Variants in ANAPC5 observed in about 807,000 individuals in gnomAD.
The protein encoded by ANAPC5 is anaphase promoting complex subunit 5, also known as anaphase-promoting complex subunit 5.
A neutral mutation model predicts 91.3 loss-of-function variants in ANAPC5; 60 were observed. That is an observed-to-expected ratio of 0.66 (90% CI 0.53 to 0.81). ANAPC5 has a LOEUF of 0.81. Ranked by LOEUF, ANAPC5 falls within the 40% of genes least tolerant of loss-of-function variation. The pLI, the probability that ANAPC5 is intolerant of heterozygous loss-of-function variation, is 0.00. For synonymous variants in ANAPC5, 340 were observed against 364.1 expected (o/e 0.93, Z 0.75); for missense variants, 690 against 931.5 (o/e 0.74, Z 3.37).
At chr12:121,333,334 T>A (rs1442650341) in intron 7 of ANAPC5, 3 of 152,018 alleles carry the variant, frequency 2.0e-5, no homozygotes, top group African/African-American at 4.8e-5. Flanking sequence ...ACAAATAAAT[T>A]AATTAATTAA....
At chr12:121,337,536 C>A (rs1387155342) in intron 5 of ANAPC5, 144 bp from the exon 6 acceptor site, 14 of 581,004 alleles carry the variant, frequency 2.4e-5, no homozygotes, top group Non-Finnish European at 3.9e-5. Flanking sequence ...CCTTGGCTGG[C>A]CTTCCCTCAC....
Position 121,340,597 on chromosome 12 carries a change from C to T in ANAPC5, c.657+1406G>A, listed in dbSNP as rs564143125. On this transcript the variant is annotated intron_variant, in intron 5 of 16. Coordinates refer to ENST00000261819, the MANE Select transcript of ANAPC5 (RefSeq NM_016237.5). ...TGTCACCCAGGCCAGAGTGCAGTAG[C>T]GCAATCTTGGCTCACTGCAACCTCC... is the stretch of plus-strand genomic sequence containing the variant. Among the ~76,000 whole-genome samples, 5 of 149,766 alleles carry T rather than the reference C, an allele frequency of 3.3e-5. 1 individual carries two copies. In the South Asian group the frequency reaches 1.1e-3, roughly 32 times the overall value.
chr12:121,339,052 T>A (rs1002099355), intron 5 of ANAPC5, among the ~76,000 whole-genome samples: 1 of 148,808 alleles, frequency 6.7e-6, no homozygotes, highest in Non-Finnish European at 1.5e-5. Flanking sequence ...TGACTTTTTT[T>A]TCTTTTTTTT....
At chr12:121,317,987 ACT>A (rs1902437642) in intron 15 of ANAPC5, 1 of 252,040 alleles carries the variant, frequency 4.0e-6, no homozygotes, top group African/African-American at 2.2e-5. Context: ...ATCAAGCATC[ACT>A]CTGTGTCAGC....
At chr12:121,313,353 G>A (rs964916659) in intron 15 of ANAPC5, among the ~76,000 whole-genome samples, 2 of 151,958 alleles carry the variant, frequency 1.3e-5, no homozygotes, top group East Asian at 1.9e-4. Flanking sequence ...ACTAGAAAAC[G>A]AAAAGCAAAC....
Position 121,330,671 on chromosome 12 carries a change from C to T in ANAPC5, c.1034G>A (p.Ser345Asn). Reference sequence around the variant, plus strand: ...CTTCTGCCCCAGCACATAAAGCCAGCTCTGGCAAGAGAAATCATCAAAATA... The same window carrying T: ...CTTCTGCCCCAGCACATAAAGCCAGTTCTGGCAAGAGAAATCATCAAAATA... ...NDHVCLQHCL[S>N]WLYVLGQKRS... The change falls in exon 9 of 17, where the codon AGC (serine) becomes AAC (asparagine). Residue 345 changes from serine (S) to asparagine (N), a missense_variant and splice_region_variant. Ser to Asn is a conservative substitution (Grantham distance 46, BLOSUM62 1). This residue lies in a region of ANAPC5 where 36 missense variants were observed against 27.6 expected (regional missense o/e 1.30). Transcript: ENST00000261819. 6.2e-7 allele frequency: 1 copy of T among 1,613,774 alleles called. No homozygotes were observed. The highest frequency in any genetic ancestry group is 8.5e-7 in the Non-Finnish European group (1 of 1,179,724).
intron 8 of ANAPC5, chr12:121,330,957 A>G (rs1027897241): frequency 4.8e-6 from 2 of 420,792 alleles, no homozygotes; most frequent in Non-Finnish European, 8.7e-6. Flanking sequence ...CAATTGAGAA[A>G]TAAGATTCTC....
At chr12:121,328,191 C>G (rs1902895445) in intron 10 of ANAPC5, 125 bp downstream of exon 10, 10 of 848,370 alleles carry the variant, frequency 1.2e-5, no homozygotes, top group Non-Finnish European at 1.8e-5. Context: ...AAAACATAGT[C>G]CCCTGCAGGA....
At chr12:121,308,782 A>G (rs2136747637) in intron 16 of ANAPC5, 91 bp from the exon 17 acceptor site, 2 of 1,036,302 alleles carry the variant, frequency 1.9e-6, no homozygotes, top group South Asian at 2.6e-5. Flanking sequence ...TTGTTCAACA[A>G]CTACCAGAAG....
intron 15 of ANAPC5, chr12:121,310,118 A>G (rs1902099736): frequency 3.5e-6 from 1 of 285,892 alleles, no homozygotes; most frequent in South Asian, 1.1e-4. Context: ...AAGATCCAGC[A>G]TTAATATCCT....
chr12:121,321,889 CAG>C (rs1484496768), intron 11 of ANAPC5, among the ~76,000 whole-genome samples: 3 of 149,322 alleles, frequency 2.0e-5, no homozygotes, highest in Non-Finnish European at 3.0e-5. Context: ...TTTTCTGAGA[CAG>C]AGTCTCACTC....
intron 6 of ANAPC5, 129 bp from the exon 7 acceptor site, chr12:121,335,852 A>G (rs1430495505): frequency 1.7e-5 from 12 of 717,932 alleles, no homozygotes; most frequent in Non-Finnish European, 2.3e-5. Flanking sequence ...GTCATAGTTT[A>G]GCTTAATCTT....
intron 11 of ANAPC5, 60 bp from the exon 12 acceptor site, chr12:121,320,519 C>G: frequency 5.6e-6 from 8 of 1,428,678 alleles, no homozygotes; most frequent in Non-Finnish European, 7.9e-6. Context: ...ACCTGCTGTA[C>G]CATGCACAGA....
rs941322967 is a variant in ANAPC5 at position 121,346,009 on chromosome 12, G to T, written c.420C>A (p.Ile140=). ...SVVGLFLRHM[I]LAYSKLSFSQ... ...TGAAAGAAAGCTTACTGTAGGCCAA[G>T]ATCATGTGACGCAGAAACAAACCTA... is the stretch of plus-strand genomic sequence containing the variant. Residue 140 remains isoleucine, a synonymous_variant, in exon 4 of 17, where the codon ATC becomes ATA. Coordinates refer to ENST00000261819, the MANE Select transcript of ANAPC5 (RefSeq NM_016237.5). The T allele has an allele frequency of 6.2e-7, 1 of 1,606,586 alleles. No individual in the cohort carries two copies. Among genetic ancestry groups the T allele is most frequent in the Non-Finnish European group, 8.5e-7 (1 of 1,177,730 alleles).
intron 1 of ANAPC5, among the ~76,000 whole-genome samples, chr12:121,351,629 T>C (rs1248155747): frequency 6.6e-6 from 1 of 151,938 alleles, no homozygotes; most frequent in Non-Finnish European, 1.5e-5. Flanking sequence ...AGCTAATTTT[T>C]TGTGTTTTTA....
At position 121,325,190 on chromosome 12, in the gene ANAPC5, C is replaced by T. The variant is rs193212743; in HGVS notation, c.1440+1906G>A. ...AAAAAAATTAAAAACTGGCTGGGCG[C>T]GGTGGCTAACGCCTATAATCCCAAC... On this transcript the variant is annotated intron_variant, in intron 11 of 16. Transcript: ENST00000261819. 6.0e-3 allele frequency among the ~76,000 whole-genome samples: 908 copies of T among 152,094 alleles called. 7 individuals are homozygous for T. The highest frequency in any genetic ancestry group is 0.021 in the African/African-American group (885 of 41,500).
intron 1 of ANAPC5, among the ~76,000 whole-genome samples, chr12:121,349,496 G>A (rs1903801954): frequency 6.6e-6 from 1 of 151,888 alleles, no homozygotes; most frequent in Non-Finnish European, 1.5e-5. Flanking sequence ...GGAGGTGGAG[G>A]CTATGGTAAG....
chr12:121,328,494 G>C lies in ANAPC5; in HGVS notation c.1126C>G (p.Leu376Val). The change falls in exon 10 of 17, where the codon CTC (leucine) becomes GTC (valine). Residue 376 changes from leucine to valine, a missense_variant. Around this residue, in one of 5 missense-constraint regions of ANAPC5, gnomAD observed 16 missense variants for 49.5 expected, o/e 0.32. Coordinates refer to ENST00000261819, the MANE Select transcript of ANAPC5 (RefSeq NM_016237.5). ...KKAVHFGLPY[L>V]ASLGIQSLVQ... Reference sequence around the variant, plus strand: ...AGGGACTGTATTCCCAGGGAGGCGAGGTACTAAGGGGACAGATATACCCAC... The same window carrying C: ...AGGGACTGTATTCCCAGGGAGGCGACGTACTAAGGGGACAGATATACCCAC... 1 of 1,613,722 alleles carries C rather than the reference G, an allele frequency of 6.2e-7. No homozygotes were observed. The highest frequency in any genetic ancestry group is 8.5e-7 in the Non-Finnish European group (1 of 1,179,890).
intron 1 of ANAPC5, 32 bp downstream of exon 1, chr12:121,352,102 T>G: frequency 6.4e-7 from 1 of 1,573,200 alleles, no homozygotes; most frequent in Non-Finnish European, 8.6e-7. Context: ...AAAAGTTTGC[T>G]GCACGAGCAG....
Sources: allele counts gnomAD v4.1 joint callset (sites outside exome capture counted in the v4.1 genomes callset), GRCh38; gene constraint gnomAD v4.1.1; regional missense constraint gnomAD v4.1.1; transcripts MANE v1.5; gene names NCBI Gene and HGNC (gene_info 2026-07-23, HGNC 2026-07-21).